ACVR1: variants seen among roughly 807,000 people sequenced by gnomAD.
ACVR1 encodes the protein activin A receptor type 1.
Under a neutral mutation model 57.1 loss-of-function variants are expected in ACVR1, and 38 were observed. The observed-to-expected ratio is 0.67, with a 90% CI of 0.51 to 0.87. The LOEUF (loss-of-function observed/expected upper bound fraction) is 0.87, where lower values mean the gene tolerates loss of function less well. ACVR1 is among the 40% of genes least tolerant of loss of function. The probability of loss-of-function intolerance (pLI) is 0.00; values close to 1 mark genes in which losing one functional copy is unlikely to be tolerated. For missense variants in ACVR1, 463 were observed against 638.2 expected, an observed-to-expected ratio of 0.73 and a Z score of 2.96; for synonymous variants, 212 against 228.1, an observed-to-expected ratio of 0.93 and a Z score of 0.63.
intron 9 of ACVR1, among the ~76,000 whole-genome samples, chr2:157,756,251 A>T (rs1258365629): frequency 6.6e-6 from 1 of 152,072 alleles, no homozygotes; most frequent in East Asian, 1.9e-4. Flanking sequence ...ACATTGGCTT[A>T]GGAAAAGACT....
chr2:157,773,570 C>A (rs1389073103), intron 6 of ACVR1, among the ~76,000 whole-genome samples: 4 of 152,042 alleles, frequency 2.6e-5, no homozygotes, highest in Non-Finnish European at 5.9e-5. Context: ...CAAATATGTT[C>A]ATGTATTGGG....
chr2:157,809,757 A>G lies in ACVR1; in HGVS notation c.-8+8628T>C, dbSNP rs184637007. On this transcript the variant is annotated intron_variant, in intron 2 of 10. Transcript: ENST00000434821. ...AAGGTAGAAAGCCGATAGAGTAGAAAATTATGAATTTGATCTGTTATTAAA... is the reference window on the plus strand; with the variant it reads ...AAGGTAGAAAGCCGATAGAGTAGAAGATTATGAATTTGATCTGTTATTAAA... Among the ~76,000 whole-genome samples, 17 of 152,290 alleles carry G rather than the reference A, an allele frequency of 1.1e-4. No homozygotes were observed. In the East Asian group the frequency reaches 3.3e-3, roughly 29 times the overall value.
chr2:157,797,616 T>C (rs920738187), intron 3 of ACVR1, among the ~76,000 whole-genome samples: 1 of 152,222 alleles, frequency 6.6e-6, no homozygotes, highest in Non-Finnish European at 1.5e-5. Flanking sequence ...TATCTTTCTC[T>C]CTTGATTATC....
chr2:157,737,784 A>G lies in ACVR1; in HGVS notation c.1396-119T>C, dbSNP rs568016148. 24 of 1,316,118 alleles carry G rather than the reference A, an allele frequency of 1.8e-5. No individual in the cohort carries two copies. In the East Asian group the frequency reaches 4.9e-4, roughly 27 times the overall value. The allele number at this position is 1,316,118 out of a possible 1,614,324, so 81.5% of individuals were successfully genotyped here. The stretch of plus-strand genomic sequence containing the variant: ...TCGCAGGTCTTGTGAAATTAGAGTT[A>G]TGTTACTGTCATCTTCTTCAAGCAA... On this transcript the variant is annotated intron_variant, in intron 10 of 10. Coordinates refer to ENST00000434821, the MANE Select transcript of ACVR1 (RefSeq NM_001111067.4).
chr2:157,863,243 C>T (rs1689787424), intron 1 of ACVR1, among the ~76,000 whole-genome samples: 1 of 148,946 alleles, frequency 6.7e-6, no homozygotes, highest in African/African-American at 2.5e-5. Flanking sequence ...GAATTCCTGA[C>T]CTCAGGTGAT....
chr2:157,808,771 T>C (rs549924048), intron 2 of ACVR1, among the ~76,000 whole-genome samples: 6 of 151,842 alleles, frequency 4.0e-5, no homozygotes, highest in African/African-American at 1.4e-4. Flanking sequence ...CATGCTTCCA[T>C]GCCTATTAAT....
At chr2:157,831,993 T>C (rs1688594721) in intron 1 of ACVR1, among the ~76,000 whole-genome samples, 3 of 152,192 alleles carry the variant, frequency 2.0e-5, no homozygotes, top group Non-Finnish European at 4.4e-5. Context: ...TACAGCCTTT[T>C]TTGTACAACT....
At chr2:157,851,152 CA>C (rs1194966528) in intron 1 of ACVR1, among the ~76,000 whole-genome samples, 2 of 151,994 alleles carry the variant, frequency 1.3e-5, no homozygotes, top group Non-Finnish European at 1.5e-5. Flanking sequence ...CAGGACCTAG[CA>C]AACGGAAAGT....
At chr2:157,775,071 A>G (rs563920215) in intron 5 of ACVR1, among the ~76,000 whole-genome samples, 24 of 152,338 alleles carry the variant, frequency 1.6e-4, no homozygotes, top group African/African-American at 5.8e-4. Flanking sequence ...AAAAGACTCC[A>G]ATGACCATGT....
At chr2:157,756,795 C>T (rs977924697) in intron 9 of ACVR1, among the ~76,000 whole-genome samples, 1 of 151,590 alleles carries the variant, frequency 6.6e-6, no homozygotes, top group African/African-American at 2.4e-5. Context: ...CCAGCAATTC[C>T]ACTACTGAGT....
At chr2:157,844,708 TC>T (rs1407758615) in intron 1 of ACVR1, among the ~76,000 whole-genome samples, 2 of 152,164 alleles carry the variant, frequency 1.3e-5, no homozygotes, top group African/African-American at 4.8e-5. Flanking sequence ...CCTTTTGACC[TC>T]AAGAGCTGCT....
At chr2:157,749,431 C>G (rs1685095612) in intron 9 of ACVR1, among the ~76,000 whole-genome samples, 1 of 151,924 alleles carries the variant, frequency 6.6e-6, no homozygotes, top group Non-Finnish European at 1.5e-5. Flanking sequence ...TTGACTCTTT[C>G]AGTAGGTACA....
At chr2:157,799,633 C>T in intron 2 of ACVR1, 133 bp from the exon 3 acceptor site, 2 of 693,180 alleles carry the variant, frequency 2.9e-6, no homozygotes, top group East Asian at 2.8e-5. Flanking sequence ...TGCCTTACTT[C>T]TTACTACATT....
chr2:157,784,980 T>TA (rs1286988592), intron 3 of ACVR1, among the ~76,000 whole-genome samples: 3 of 152,248 alleles, frequency 2.0e-5, no homozygotes. Flanking sequence ...ACTGTGGACT[T>TA]ACCTATTCAC....
At chr2:157,798,268 T>C (rs1423999433) in intron 3 of ACVR1, among the ~76,000 whole-genome samples, 5 of 152,064 alleles carry the variant, frequency 3.3e-5, no homozygotes, top group Non-Finnish European at 7.4e-5. Context: ...ATAACTAGTA[T>C]ATAAATCAAG....
chr2:157,823,899 A>C (rs995807896), intron 1 of ACVR1, among the ~76,000 whole-genome samples: 1 of 152,190 alleles, frequency 6.6e-6, no homozygotes, highest in African/African-American at 2.4e-5. Flanking sequence ...ACAGTAGCAT[A>C]AAGAAGGTTC....
chr2:157,769,082 G>A (rs984762380), intron 7 of ACVR1, among the ~76,000 whole-genome samples: 10 of 152,216 alleles, frequency 6.6e-5, no homozygotes, highest in African/African-American at 2.2e-4. Flanking sequence ...GACGGAGGAA[G>A]GAATGGTTGG....
intron 9 of ACVR1, among the ~76,000 whole-genome samples, chr2:157,747,178 T>G (rs1302193155): frequency 6.6e-6 from 1 of 152,182 alleles, no homozygotes; most frequent in Non-Finnish European, 1.5e-5. Flanking sequence ...AAATATATAT[T>G]CTTTTAATGA....
chr2:157,827,255 T>A (rs1688417675), intron 1 of ACVR1, among the ~76,000 whole-genome samples: 1 of 152,218 alleles, frequency 6.6e-6, no homozygotes, highest in South Asian at 2.1e-4. Flanking sequence ...ATTTATTGTT[T>A]GCCCACCAGC....
Sources: gnomAD v4.1 joint callset for allele counts (sites outside exome capture counted in the v4.1 genomes callset) on GRCh38, gnomAD v4.1.1 for gene constraint, MANE v1.5 for transcripts, NCBI Gene and HGNC (gene_info 2026-07-23, HGNC 2026-07-21) for gene names.